The following NUP35 variants were observed in gnomAD, a reference collection of about 807,000 sequenced individuals.
NUP35 encodes nucleoporin NUP35.
Under a neutral mutation model 41.5 loss-of-function variants are expected in NUP35, and 25 were observed. The observed-to-expected ratio is 0.60, with a 90% CI of 0.44 to 0.84. The LOEUF is 0.84. Ranked by LOEUF, NUP35 falls within the 40% of genes least tolerant of loss-of-function variation. The pLI is 0.00. For synonymous variants in NUP35, 149 were observed against 130.7 expected, an observed-to-expected ratio of 1.14 and a Z score of -0.96; for missense variants, 396 against 396.6, an observed-to-expected ratio of 1.00 and a Z score of 0.01.
chr2:183,138,509 T>C (rs1240246680), intron 4 of NUP35, among the ~76,000 whole-genome samples: 1 of 151,906 alleles, frequency 6.6e-6, no homozygotes, highest in Non-Finnish European at 1.5e-5. Flanking sequence ...TTATTTCTGG[T>C]GCAGGAAAAC....
chr2:183,157,480 A>C lies in NUP35; in HGVS notation c.576A>C (p.Gln192His), dbSNP rs746764010. 1 of 1,613,054 alleles carries C rather than the reference A, an allele frequency of 6.2e-7. No individual in the cohort carries two copies. Among genetic ancestry groups the C allele is most frequent in the Non-Finnish European group, 8.5e-7 (1 of 1,179,186 alleles). The change falls in exon 6 of 9, where the codon CAA (glutamine) becomes CAC (histidine). Residue 192 changes from glutamine (Q) to histidine (H), a missense_variant. By Grantham distance (24) the Gln-to-His change is conservative. Coordinates refer to ENST00000295119, the MANE Select transcript of NUP35 (RefSeq NM_138285.5). The part of the protein sequence containing the change: ...PQASASYILL[Q>H]FAQYGNILKH... ...CATCTGCTTCCTACATATTACTACA[A>C]TTTGCACAGTATGGGAATATCTTAA...
chr2:183,129,627 T>G (rs962551000), intron 2 of NUP35, among the ~76,000 whole-genome samples: 1 of 152,232 alleles, frequency 6.6e-6, no homozygotes, highest in African/African-American at 2.4e-5. Flanking sequence ...TTGTCAATCT[T>G]AAAGGGTAGG....
At position 183,128,324 on chromosome 2, in the gene NUP35, A is replaced by G; in HGVS notation, c.78A>G (p.Pro26=). Residue 26 remains proline, a synonymous_variant, in exon 2 of 9, where the codon CCA becomes CCG. Transcript: ENST00000295119. The part of the protein sequence containing the change: ...EPMMLGSPTS[P]KPGVNAQFLP... ...TGATGCTGGGTTCACCCACATCTCC[A>G]AAGCCAGGAGTTAATGCCCAGTTCT... The G allele has an allele frequency of 6.2e-7, 1 of 1,613,466 alleles. No homozygotes were observed. The highest frequency in any genetic ancestry group is 8.5e-7 in the Non-Finnish European group (1 of 1,179,634).
chr2:183,156,401 A>G (rs1265321291), intron 5 of NUP35, among the ~76,000 whole-genome samples: 1 of 152,180 alleles, frequency 6.6e-6, no homozygotes, highest in South Asian at 2.1e-4. Flanking sequence ...GTGCAGTGGC[A>G]CGATCTTGGC....
chr2:183,137,312 T>C (rs1269935863), intron 4 of NUP35, among the ~76,000 whole-genome samples: 2 of 152,172 alleles, frequency 1.3e-5, no homozygotes, highest in African/African-American at 4.8e-5. Flanking sequence ...ATTTGAGTCA[T>C]GCCAGGTGCC....
chr2:183,128,739 A>G (rs1051736844), intron 2 of NUP35, among the ~76,000 whole-genome samples: 3 of 152,296 alleles, frequency 2.0e-5, no homozygotes, highest in Admixed American at 1.3e-4. Flanking sequence ...TAGAATTTTT[A>G]AAAGTGTAGT....
intron 4 of NUP35, among the ~76,000 whole-genome samples, chr2:183,150,395 T>G (rs1235708252): frequency 6.6e-6 from 1 of 152,226 alleles, no homozygotes; most frequent in African/African-American, 2.4e-5. Flanking sequence ...TCCCCCTCAC[T>G]GTGCAAACAG....
intron 4 of NUP35, among the ~76,000 whole-genome samples, chr2:183,135,289 C>T (rs148746405): frequency 2.2e-3 from 328 of 152,234 alleles, no homozygotes; most frequent in African/African-American, 7.5e-3. Context: ...GTAAACTTTA[C>T]TCAAAAGTCT....
chr2:183,143,224 G>A (rs1685164053), intron 4 of NUP35, among the ~76,000 whole-genome samples: 1 of 150,854 alleles, frequency 6.6e-6, no homozygotes, highest in African/African-American at 2.4e-5. Context: ...TAGCAGTGAG[G>A]TTAATAGCAG....
intron 3 of NUP35, 151 bp downstream of exon 3, chr2:183,130,696 A>G (rs1009692495): frequency 7.3e-5 from 67 of 915,292 alleles, no homozygotes; most frequent in Admixed American, 4.8e-4. Flanking sequence ...CATAGAATCT[A>G]CTTAAATTGT....
intron 4 of NUP35, among the ~76,000 whole-genome samples, chr2:183,136,934 A>G (rs574441244): frequency 6.6e-6 from 1 of 152,238 alleles, no homozygotes; most frequent in Non-Finnish European, 1.5e-5. Context: ...TAGTAAAAAT[A>G]TAAAAATTAG....
At chr2:183,140,065 A>G in intron 4 of NUP35, among the ~76,000 whole-genome samples, 1 of 152,184 alleles carries the variant, frequency 6.6e-6, no homozygotes, top group East Asian at 1.9e-4. Context: ...ATTCTAGACT[A>G]TGTAGCTTCT....
intron 4 of NUP35, among the ~76,000 whole-genome samples, chr2:183,146,605 C>T (rs1685286722): frequency 6.8e-6 from 1 of 146,208 alleles, no homozygotes; most frequent in African/African-American, 2.5e-5. Context: ...ATTTTTTGAC[C>T]TTTTTTTTTT....
chr2:183,154,433 G>T (rs923384802), intron 5 of NUP35, among the ~76,000 whole-genome samples: 2 of 152,152 alleles, frequency 1.3e-5, no homozygotes, highest in Non-Finnish European at 2.9e-5. Flanking sequence ...CCTTTTGAAT[G>T]CTTTGCTGCT....
intron 4 of NUP35, among the ~76,000 whole-genome samples, chr2:183,135,553 G>A (rs1312578214): frequency 6.6e-6 from 1 of 152,198 alleles, no homozygotes; most frequent in East Asian, 1.9e-4. Flanking sequence ...ACTAGTTTGG[G>A]AGTAAAAGTT....
At chr2:183,138,269 ATTTTTTTTT>A (rs147315571) in intron 4 of NUP35, among the ~76,000 whole-genome samples, 3,464 of 80,698 alleles carry the variant, frequency 0.043, 82 homozygotes, top group Admixed American at 0.061. Flanking sequence ...ATATATATAT[ATTTTTTTTT>A]TTTTTTAGCT....
At chr2:183,146,415 A>G (rs1273029637) in intron 4 of NUP35, among the ~76,000 whole-genome samples, 4 of 152,134 alleles carry the variant, frequency 2.6e-5, no homozygotes, top group Admixed American at 2.6e-4. Context: ...TTATTGAAGA[A>G]TATATTTTAT....
At chr2:183,128,526 C>T in intron 2 of NUP35, 69 bp downstream of exon 2, 2 of 1,123,190 alleles carry the variant, frequency 1.8e-6, no homozygotes, top group South Asian at 2.1e-5. Context: ...TTTGGCTTCC[C>T]TGAACCACAT....
At chr2:183,141,874 TC>T (rs1308476110) in intron 4 of NUP35, among the ~76,000 whole-genome samples, 7 of 152,242 alleles carry the variant, frequency 4.6e-5, no homozygotes, top group African/African-American at 1.7e-4. Flanking sequence ...GAGTTCTTTT[TC>T]CTAGAAAGCA....
Sources: allele counts gnomAD v4.1 joint callset (sites outside exome capture counted in the v4.1 genomes callset), GRCh38; gene constraint gnomAD v4.1.1; transcripts MANE v1.5; gene names NCBI Gene and HGNC (gene_info 2026-07-23, HGNC 2026-07-21).